Variants in TAOK2 observed in about 807,000 individuals in gnomAD.
TAOK2 encodes the protein TAO kinase 2, also known as serine/threonine-protein kinase TAO2.
Under a neutral mutation model 122.5 loss-of-function variants are expected in TAOK2, and 42 were observed. The observed-to-expected ratio is 0.34, with a 90% CI of 0.27 to 0.44. The LOEUF (loss-of-function observed/expected upper bound fraction) is 0.44, where lower values mean the gene tolerates loss of function less well. Among genes scored for constraint, TAOK2 ranks in the 20% least tolerant of loss-of-function variants. TAOK2 has a pLI of 1.00. For synonymous variants in TAOK2, 704 were observed against 677.6 expected, an observed-to-expected ratio of 1.04 and a Z score of -0.61; for missense variants, 1,264 against 1,644.9, an observed-to-expected ratio of 0.77 and a Z score of 4.01.
At chr16:29,975,468 C>T (rs140745600) in intron 1 of TAOK2, among the ~76,000 whole-genome samples, 8 of 152,236 alleles carry the variant, frequency 5.3e-5, no homozygotes, top group Non-Finnish European at 1.2e-4. Flanking sequence ...AGTTTGGGCT[C>T]GGCCAGGGGT....
chr16:29,982,956 G>A, intron 11 of TAOK2, 55 bp downstream of exon 11: 8 of 1,605,714 alleles, frequency 5.0e-6, no homozygotes, highest in Non-Finnish European at 6.0e-6. Flanking sequence ...CCTGCCCCCT[G>A]CAGTTGCTTG....
intron 4 of TAOK2, among the ~76,000 whole-genome samples, 200 bp from the exon 5 acceptor site, chr16:29,978,599 T>G (rs1010909727): frequency 7.2e-5 from 11 of 152,082 alleles, no homozygotes; most frequent in Admixed American, 1.3e-4. Context: ...AATGGGAGTT[T>G]GAAGGGATTC....
chr16:29,984,149 T>TA (rs2069709216), intron 13 of TAOK2, among the ~76,000 whole-genome samples: 1 of 152,216 alleles, frequency 6.6e-6, no homozygotes, highest in Admixed American at 6.5e-5. Flanking sequence ...GGTGTTCAGA[T>TA]ATCTGTCTCA....
chr16:29,981,642 C>G lies in TAOK2; in HGVS notation c.656-19C>G, dbSNP rs2150890989. On this transcript the variant is annotated intron_variant, in intron 8 of 15. Transcript: ENST00000308893. ...CCCCTGCCACCTCTCACCTTCTTCC[C>G]TTTCACCTTTTTCTGTAGCTGAACG... The G allele has an allele frequency of 6.2e-7, 1 of 1,613,426 alleles. No individual in the cohort carries two copies. The highest frequency in any genetic ancestry group is 1.7e-5 in the Admixed American group (1 of 60,018).
intron 13 of TAOK2, among the ~76,000 whole-genome samples, chr16:29,984,602 G>A (rs974642901): frequency 1.3e-5 from 2 of 152,028 alleles, no homozygotes; most frequent in Non-Finnish European, 2.9e-5. Context: ...CTTGGCTGCC[G>A]GGACTAGTTT....
At position 29,983,608 on chromosome 16, in the gene TAOK2, C is replaced by T. The variant is rs1237813627; in HGVS notation, c.1366C>T (p.Arg456Cys). The T allele has an allele frequency of 6.2e-6, 10 of 1,613,798 alleles. No individual in the cohort carries two copies. Among genetic ancestry groups the T allele is most frequent in the Middle Eastern group, 3.3e-4 (2 of 6,062 alleles). The change falls in exon 13 of 16, where the codon CGC becomes TGC. Residue 456 changes from arginine to cysteine, a missense_variant. By Grantham distance (180) the Arg-to-Cys change is radical. Coordinates refer to ENST00000308893, the MANE Select transcript of TAOK2 (RefSeq NM_016151.4). ...CACTTCCACCACCTCTTCCGCCCGC[C>T]GCCGGGCCTACTGCCGTAACCGAGA... ...APTSTTSSAR[R>C]RAYCRNRDHF...
chr16:29,986,801 TGAG>T lies in TAOK2; in HGVS notation c.2533_2535del (p.Glu845del), dbSNP rs777339015. The T allele has an allele frequency of 5.0e-6, 8 of 1,613,764 alleles. No individual in the cohort carries two copies. Among genetic ancestry groups the T allele is most frequent in the Admixed American group, 3.3e-5 (2 of 59,980 alleles). On this transcript the variant is annotated inframe_deletion, in exon 16 of 16. Transcript: ENST00000308893. This position sits in a 1 kb window ranked among gnomAD's most constrained non-coding sequence, Gnocchi z 4.2. ...TTGATGAGGAAGTTTGGGGTCTGCC[TGAG>T]GAGATAGAGGAGCTTAGGGTGCCCT...
At chr16:29,989,517 C>T, downstream of TAOK2, 2 of 1,599,404 alleles carry the variant, frequency 1.3e-6, no homozygotes, top group Non-Finnish European at 8.5e-7. Flanking sequence ...CTGGTTGTTC[C>T]TCCTCTTCCT....
At chr16:29,977,626 GCCT>G (rs1182658089) in intron 1 of TAOK2, 109 bp from the exon 2 acceptor site, 2 of 1,017,258 alleles carry the variant, frequency 2.0e-6, no homozygotes, top group Admixed American at 5.8e-5. Context: ...CCTCAGCAGT[GCCT>G]CCTCCTCATC....
At chr16:29,978,942 C>G (rs752222457) in intron 5 of TAOK2, 32 bp from the exon 6 acceptor site, 5 of 1,613,698 alleles carry the variant, frequency 3.1e-6, no homozygotes, top group Non-Finnish European at 4.2e-6. Flanking sequence ...CCCTTGCGCT[C>G]CCTCGGGTTG....
At chr16:29,991,381 G>A (rs1187511038), downstream of TAOK2, 1 of 1,583,708 alleles carries the variant, frequency 6.3e-7, no homozygotes. The surrounding 1 kb of genome is among the most constrained non-coding windows in gnomAD (Gnocchi z 5.6). Context: ...CCCACACAAA[G>A]TGGGACACCC....
chr16:29,992,138 A>C (rs1596627598), downstream of TAOK2: 1 of 150,724 alleles, frequency 6.6e-6, no homozygotes, highest in South Asian at 2.1e-4. Context: ...CGGGGAAACA[A>C]GGGAAGGACC....
At chr16:29,984,335 C>T (rs1004628959) in intron 13 of TAOK2, among the ~76,000 whole-genome samples, 1 of 152,228 alleles carries the variant, frequency 6.6e-6, no homozygotes, top group African/African-American at 2.4e-5. Context: ...TAGTCCTCTC[C>T]TAAAATCAAC....
At position 29,978,238 on chromosome 16, in the gene TAOK2, C is replaced by T. The variant is rs772072554; in HGVS notation, c.205-14C>T. The T allele has an allele frequency of 4.3e-6, 7 of 1,613,876 alleles. No individual in the cohort carries two copies. Among genetic ancestry groups the T allele is most frequent in the Middle Eastern group, 1.6e-4 (1 of 6,084 alleles). On this transcript the variant is annotated splice_polypyrimidine_tract_variant and intron_variant, in intron 3 of 15. Coordinates refer to ENST00000308893, the MANE Select transcript of TAOK2 (RefSeq NM_016151.4). ...ATGCAAGCTGGGTAACCTCTGCCTA[C>T]CCTGACCCCCTAGAAATGGCAAGAC...
At chr16:29,989,526 C>G, downstream of TAOK2, 1 of 1,603,094 alleles carries the variant, frequency 6.2e-7, no homozygotes, top group Non-Finnish European at 8.5e-7. Flanking sequence ...CCTCCTCTTC[C>G]TCTTCCTCCT....
Position 29,978,073 on chromosome 16 carries a change from TG to T in TAOK2, c.133-14del. 6.2e-7 allele frequency: 1 copy of T among 1,614,064 alleles called. No homozygotes were observed. Among genetic ancestry groups the T allele is most frequent in the Non-Finnish European group, 8.5e-7 (1 of 1,179,986 alleles). ...TCTCAATGGGGCCTTCAACACCTTC[TG>T]GTCTGGTCCTCTAGGCCCGGGATGT... is the stretch of plus-strand genomic sequence containing the variant. On this transcript the variant is annotated splice_polypyrimidine_tract_variant and intron_variant, in intron 2 of 15. Transcript: ENST00000308893.
Position 29,986,541 on chromosome 16 carries a change from C to T in TAOK2, c.2269C>T (p.Pro757Ser). The change falls in exon 16 of 16, where the codon CCC (proline) becomes TCC (serine). Residue 757 changes from proline (P) to serine (S), a missense_variant. Pro to Ser is a moderately conservative substitution (Grantham distance 74, BLOSUM62 -1). Around this residue, in one of 4 missense-constraint regions of TAOK2, gnomAD observed 824 missense variants for 908.7 expected, o/e 0.91. Coordinates refer to ENST00000308893, the MANE Select transcript of TAOK2 (RefSeq NM_016151.4). This position sits in a 1 kb window ranked among gnomAD's most constrained non-coding sequence, Gnocchi z 4.2. ...AGQRPPGLPL[P>S]IPGALGPPNT... ...CCAGCGCCCCCCGGGCCTTCCACTC[C>T]CCATTCCTGGGGCTCTGGGCCCACC... The T allele has an allele frequency of 1.2e-6, 2 of 1,613,714 alleles. No homozygotes were observed. The highest frequency in any genetic ancestry group is 1.7e-6 in the Non-Finnish European group (2 of 1,179,866).
chr16:29,987,377 C>T lies in TAOK2; in HGVS notation c.3105C>T (p.Arg1035=). 6.3e-7 allele frequency: 1 copy of T among 1,599,858 alleles called. No homozygotes were observed. The highest frequency in any genetic ancestry group is 1.1e-5 in the South Asian group (1 of 89,958). Residue 1035 remains arginine (R), a synonymous_variant, in exon 16 of 16, where the codon CGC becomes CGT. Coordinates refer to ENST00000308893, the MANE Select transcript of TAOK2 (RefSeq NM_016151.4). ...GGGCCGTCCTGGGCCTGAGCTGGCG[C>T]CGAGGCCTCATGGGTGTTCCCCTGG... is the stretch of plus-strand genomic sequence containing the variant. ...ALGAVLGLSW[R]RGLMGVPLGL...
chr16:29,983,781 C>A (rs2069697505), intron 13 of TAOK2, 117 bp downstream of exon 13: 5 of 1,452,338 alleles, frequency 3.4e-6, no homozygotes, highest in Non-Finnish European at 4.6e-6. Flanking sequence ...CCCTCATTTT[C>A]TGTTGCTGGC....
Sources: allele counts gnomAD v4.1 joint callset (sites outside exome capture counted in the v4.1 genomes callset), GRCh38; gene constraint gnomAD v4.1.1; regional missense constraint gnomAD v4.1.1; non-coding constraint Gnocchi (gnomAD v3.1); transcripts MANE v1.5; gene names NCBI Gene and HGNC (gene_info 2026-07-23, HGNC 2026-07-21).